Variants in ADGRA3 observed in about 807,000 individuals in gnomAD.
ADGRA3 encodes adhesion G protein-coupled receptor A3, also known as G-protein coupled receptor 125.
Under a neutral mutation model 119.8 loss-of-function variants are expected in ADGRA3, and 56 were observed. That is an observed-to-expected ratio of 0.47 (90% CI 0.38 to 0.58). ADGRA3 has a LOEUF of 0.58. Ranked by LOEUF, ADGRA3 falls within the 20% of genes least tolerant of loss-of-function variation. The pLI, the probability that ADGRA3 is intolerant of heterozygous loss-of-function variation, is 0.00. For missense variants in ADGRA3, 1,516 were observed against 1,649.0 expected, an observed-to-expected ratio of 0.92 and a Z score of 1.40; for synonymous variants, 607 against 623.8, an observed-to-expected ratio of 0.97 and a Z score of 0.40.
chr4:22,511,573 T>C lies in ADGRA3; in HGVS notation c.257+3955A>G, dbSNP rs532271446. Among the ~76,000 whole-genome samples the C allele has an allele frequency of 3.0e-4, 45 of 152,328 alleles. No homozygotes were observed. In the East Asian group the frequency reaches 8.3e-3, roughly 28 times the overall value. On this transcript the variant is annotated intron_variant, in intron 1 of 18. Transcript: ENST00000334304. ...TTAAAAAAAAATTATATCCCATCTT[T>C]GCCATTCTCCCAGTTCCCATCAGTT...
chr4:22,433,007 C>G (rs59602170), intron 10 of ADGRA3, among the ~76,000 whole-genome samples: 1 of 152,082 alleles, frequency 6.6e-6, no homozygotes, highest in Non-Finnish European at 1.5e-5. Flanking sequence ...ATGAAGCCCT[C>G]AAGCCTCCTA....
intron 2 of ADGRA3, among the ~76,000 whole-genome samples, chr4:22,471,443 AAAG>A (rs1332607419): frequency 1.3e-5 from 2 of 152,192 alleles, no homozygotes; most frequent in African/African-American, 4.8e-5. Context: ...AAATAAAATA[AAAG>A]AAGTATAAAT....
intron 1 of ADGRA3, among the ~76,000 whole-genome samples, chr4:22,475,601 C>T (rs1718012200): frequency 1.3e-5 from 2 of 152,088 alleles, no homozygotes; most frequent in South Asian, 4.2e-4. Flanking sequence ...GTGGTGGGCA[C>T]CTATATTCCC....
intron 7 of ADGRA3, among the ~76,000 whole-genome samples, chr4:22,442,173 TA>T (rs1716640592): frequency 6.6e-6 from 1 of 152,136 alleles, no homozygotes; most frequent in Admixed American, 6.6e-5. Flanking sequence ...AAAGTATTTT[TA>T]CTTTTAATTA....
chr4:22,422,605 C>T (rs73112120), intron 11 of ADGRA3, among the ~76,000 whole-genome samples: 1,662 of 152,142 alleles, frequency 0.011, 23 homozygotes, highest in African/African-American at 0.038. Flanking sequence ...TTTTGAGGCA[C>T]CTGTGAAGCC....
chr4:22,430,676 T>G (rs1049832786), intron 10 of ADGRA3, among the ~76,000 whole-genome samples: 1 of 152,182 alleles, frequency 6.6e-6, no homozygotes, highest in Non-Finnish European at 1.5e-5. Flanking sequence ...AAATCCCATT[T>G]TCTGTGGAGA....
intron 1 of ADGRA3, among the ~76,000 whole-genome samples, chr4:22,491,658 C>G (rs1577380393): frequency 6.6e-6 from 1 of 152,102 alleles, no homozygotes; most frequent in Non-Finnish European, 1.5e-5. Context: ...GTCCTTTAAG[C>G]GAGAATCTCG....
chr4:22,514,168 CAAAG>C lies in ADGRA3; in HGVS notation c.257+1356_257+1359del, dbSNP rs1719556924. On this transcript the variant is annotated intron_variant, in intron 1 of 18. Coordinates refer to ENST00000334304, the MANE Select transcript of ADGRA3 (RefSeq NM_145290.4). ...ATGATGACTAATTTTTGCAGAGTAA[CAAAG>C]AAAATCTCCTCCAACATTGGGATTT... is the stretch of plus-strand genomic sequence containing the variant. 1.3e-4 allele frequency among the ~76,000 whole-genome samples: 20 copies of C among 152,182 alleles called. No individual in the cohort carries two copies. In the South Asian group the frequency reaches 4.1e-3, roughly 32 times the overall value.
At position 22,394,699 on chromosome 4, in the gene ADGRA3, C is replaced by T. The variant is rs370684684; in HGVS notation, c.2482-2009G>A. ...CAAAAGTAAAAATACAGGTTAAAGGCAACTCCCACATAGGAGGTGTCAAAC... is the reference window on the plus strand; with the variant it reads ...CAAAAGTAAAAATACAGGTTAAAGGTAACTCCCACATAGGAGGTGTCAAAC... On this transcript the variant is annotated intron_variant, in intron 16 of 18. Transcript: ENST00000334304. 7 of 152,292 alleles carry T rather than the reference C, an allele frequency of 4.6e-5. No individual in the cohort carries two copies. The East Asian group carries it at 9.6e-4, about 21-fold the overall frequency. The allele number at this position is 152,292 out of a possible 1,614,324, so 9.4% of individuals were successfully genotyped here.
intron 1 of ADGRA3, among the ~76,000 whole-genome samples, chr4:22,510,554 A>AC (rs1364720590): frequency 7.3e-5 from 11 of 150,732 alleles, no homozygotes; most frequent in African/African-American, 2.4e-4. Context: ...CTCCTAACTG[A>AC]CCCCAACCAG....
intron 1 of ADGRA3, among the ~76,000 whole-genome samples, chr4:22,502,586 G>C (rs186107239): frequency 1.5e-5 from 2 of 134,462 alleles, no homozygotes; most frequent in Non-Finnish European, 3.1e-5. Context: ...TCTGGGGAGA[G>C]GAGCTTTTTT....
At chr4:22,436,867 C>T (rs1716416085) in intron 8 of ADGRA3, among the ~76,000 whole-genome samples, 1 of 152,156 alleles carries the variant, frequency 6.6e-6, no homozygotes, top group Admixed American at 6.5e-5. Flanking sequence ...GGATGCTCAT[C>T]ACAGGAACCA....
Position 22,435,347 on chromosome 4 carries a change from T to C in ADGRA3, c.1407A>G (p.Lys469=), listed in dbSNP as rs771726000. The C allele has an allele frequency of 1.2e-6, 2 of 1,613,500 alleles. No homozygotes were observed. The highest frequency in any genetic ancestry group is 2.2e-5 in the South Asian group (2 of 91,030). ...DVIFVAEMIE[K]FGRFTKEEKS... ...TTTCCTCCTTGGTAAATCTTCCAAATTTTTCAATCATTTCTGCCACAAATA... is the reference window on the plus strand; with the variant it reads ...TTTCCTCCTTGGTAAATCTTCCAAACTTTTCAATCATTTCTGCCACAAATA... The change falls in exon 10 of 19, where the codon AAA becomes AAG. Residue 469 remains lysine, a synonymous_variant. Transcript: ENST00000334304.
In ADGRA3 at chr4:22,515,517, G is replaced by A. The variant is rs759653469; in HGVS notation, c.257+11C>T. 6.2e-7 allele frequency: 1 copy of A among 1,603,452 alleles called. No individual in the cohort carries two copies. The highest frequency in any genetic ancestry group is 1.1e-5 in the South Asian group (1 of 90,328). On this transcript the variant is annotated intron_variant, in intron 1 of 18. Transcript: ENST00000334304. Reference sequence around the variant, plus strand: ...AGCGGGAGAGGACCCAGCGTCGCGGGAGATACTCACAGGGTGACCGTGCGG... The same window carrying A: ...AGCGGGAGAGGACCCAGCGTCGCGGAAGATACTCACAGGGTGACCGTGCGG...
At chr4:22,503,869 C>T (rs1245049227) in intron 1 of ADGRA3, among the ~76,000 whole-genome samples, 1 of 152,144 alleles carries the variant, frequency 6.6e-6, no homozygotes, top group Non-Finnish European at 1.5e-5. Flanking sequence ...CTCTATGTCT[C>T]CCTAGTCTTG....
chr4:22,475,741 AT>A (rs202141751), intron 1 of ADGRA3, among the ~76,000 whole-genome samples: 36,103 of 150,682 alleles, frequency 0.24, 4,698 homozygotes, highest in Middle Eastern at 0.38. Context: ...AAAAAAATAA[AT>A]AAATAAAAAA....
rs560026086 is a variant in ADGRA3, at chr4:22,505,630, G to C, written c.257+9898C>G. 2.7e-5 allele frequency among the ~76,000 whole-genome samples: 4 copies of C among 145,658 alleles called. No individual in the cohort carries two copies. In the South Asian group the frequency reaches 8.8e-4, roughly 32 times the overall value. On this transcript the variant is annotated intron_variant, in intron 1 of 18. Coordinates refer to ENST00000334304, the MANE Select transcript of ADGRA3 (RefSeq NM_145290.4). Reference sequence around the variant, plus strand: ...CCACTGCACTCCAAGCTGGGCGACAGAGCGAGACTCTGTCTCAAAAAAAAA... The same window carrying C: ...CCACTGCACTCCAAGCTGGGCGACACAGCGAGACTCTGTCTCAAAAAAAAA...
intron 11 of ADGRA3, 42 bp downstream of exon 11, chr4:22,424,149 T>A: frequency 6.4e-7 from 1 of 1,555,894 alleles, no homozygotes; most frequent in Admixed American, 1.8e-5. Context: ...CTGTGTGAAA[T>A]GCACTTTTTT....
intron 1 of ADGRA3, among the ~76,000 whole-genome samples, chr4:22,495,357 G>A (rs1407925181): frequency 1.3e-5 from 2 of 152,004 alleles, no homozygotes; most frequent in African/African-American, 4.8e-5. Context: ...GGGCCCAGGA[G>A]CCTGGGATCA....
Sources: allele counts gnomAD v4.1 joint callset (sites outside exome capture counted in the v4.1 genomes callset), GRCh38; gene constraint gnomAD v4.1.1; transcripts MANE v1.5; gene names NCBI Gene and HGNC (gene_info 2026-07-23, HGNC 2026-07-21).